The following LAMA2 variants were observed in gnomAD, a reference collection of about 807,000 sequenced individuals.
LAMA2 encodes the protein laminin subunit alpha 2.
LAMA2 carries 269 observed loss-of-function variants against 364.8 expected under a neutral mutation model. The observed-to-expected ratio is 0.74, with a 90% CI of 0.67 to 0.82. The LOEUF is 0.82. Among genes scored for constraint, LAMA2 ranks in the 40% least tolerant of loss-of-function variants. The pLI, the probability that LAMA2 is intolerant of heterozygous loss-of-function variation, is 0.00. For synonymous variants in LAMA2, 1,379 were observed against 1,370.6 expected, an observed-to-expected ratio of 1.01 and a Z score of -0.14; for missense variants, 3,807 against 3,873.2, an observed-to-expected ratio of 0.98 and a Z score of 0.45.
At chr6:129,131,766 C>G (rs1777487339) in intron 4 of LAMA2, among the ~76,000 whole-genome samples, 1 of 152,136 alleles carries the variant, frequency 6.6e-6, no homozygotes, top group African/African-American at 2.4e-5. Context: ...TGTTGTTGTC[C>G]TATAAGCCAT....
chr6:129,215,405 A>G (rs1053293159), intron 12 of LAMA2, among the ~76,000 whole-genome samples: 6 of 152,094 alleles, frequency 3.9e-5, no homozygotes, highest in Non-Finnish European at 8.8e-5. Flanking sequence ...CCACTCCCCC[A>G]TATCTAAGGA....
At chr6:129,134,552 A>G (rs1411522183) in intron 4 of LAMA2, among the ~76,000 whole-genome samples, 1 of 152,122 alleles carries the variant, frequency 6.6e-6, no homozygotes, top group Non-Finnish European at 1.5e-5. Flanking sequence ...TGGAATTGAC[A>G]GGGGGGATGG....
chr6:129,158,797 A>C (rs1779283117), intron 8 of LAMA2: 8 of 1,614,206 alleles, frequency 5.0e-6, no homozygotes, highest in Non-Finnish European at 6.8e-6. Flanking sequence ...CTTTGCACTG[A>C]AAATCAGATC....
At position 129,328,230 on chromosome 6, in the gene LAMA2, T is replaced by C. The variant is rs373609820; in HGVS notation, c.4177-48T>C. The C allele has an allele frequency of 6.6e-6, 10 of 1,508,704 alleles. No homozygotes were observed. In the African/African-American group the frequency reaches 1.2e-4, roughly 19 times the overall value. The allele number at this position is 1,508,704 out of a possible 1,614,324, so 93.5% of individuals were successfully genotyped here. The stretch of plus-strand genomic sequence containing the variant: ...CACTGAAGAGCTCAAGCGTTGCTAA[T>C]GCAGTATTTCTAACTTTGCTGTCCT... On this transcript the variant is annotated intron_variant, in intron 28 of 64. Transcript: ENST00000421865.
chr6:129,342,500 T>C, intron 30 of LAMA2, 33 bp downstream of exon 30: 2 of 1,607,288 alleles, frequency 1.2e-6, no homozygotes, highest in Non-Finnish European at 1.7e-6. Flanking sequence ...TATTTCCCAA[T>C]CAGAAACGCC....
At chr6:129,439,846 A>ATC (rs1554297417) in intron 42 of LAMA2, among the ~76,000 whole-genome samples, 124 of 138,218 alleles carry the variant, frequency 9.0e-4, no homozygotes, top group Middle Eastern at 3.6e-3. Flanking sequence ...ATATATATAT[A>ATC]TATCTATCTC....
chr6:129,355,680 G>C (rs752803709), intron 32 of LAMA2, among the ~76,000 whole-genome samples: 3 of 152,106 alleles, frequency 2.0e-5, no homozygotes, highest in Non-Finnish European at 4.4e-5. Flanking sequence ...AGTGCTTGTT[G>C]TTAGTATAGT....
At chr6:129,182,094 A>C (rs1281896175) in intron 10 of LAMA2, among the ~76,000 whole-genome samples, 2 of 151,902 alleles carry the variant, frequency 1.3e-5, no homozygotes, top group Non-Finnish European at 2.9e-5. Flanking sequence ...TGTCAGTGAC[A>C]AGCAAATAAA....
At chr6:129,283,310 G>A (rs1281626516) in intron 18 of LAMA2, among the ~76,000 whole-genome samples, 1 of 152,128 alleles carries the variant, frequency 6.6e-6, no homozygotes, top group East Asian at 1.9e-4. Context: ...TAAAAAGACT[G>A]TTGAGCTAAA....
intron 12 of LAMA2, among the ~76,000 whole-genome samples, chr6:129,201,587 C>T (rs1265620454): frequency 6.6e-6 from 1 of 152,090 alleles, no homozygotes; most frequent in Non-Finnish European, 1.5e-5. Context: ...CTAGGTTCAC[C>T]CCAACAAATC....
chr6:129,514,329 C>G (rs1786850889), intron 63 of LAMA2, 44 bp from the exon 64 acceptor site: 1 of 1,358,722 alleles, frequency 7.4e-7, no homozygotes, highest in Non-Finnish European at 1.1e-6. Context: ...CATGATACTT[C>G]TTTAATGAAA....
chr6:129,487,248 C>T (rs144394186), intron 56 of LAMA2, among the ~76,000 whole-genome samples: 2 of 152,202 alleles, frequency 1.3e-5, no homozygotes, highest in East Asian at 3.9e-4. Flanking sequence ...CTTGCCCCAG[C>T]CCTGGGCCAG....
At chr6:129,166,332 G>T (rs923185252) in intron 9 of LAMA2, among the ~76,000 whole-genome samples, 12 of 152,164 alleles carry the variant, frequency 7.9e-5, no homozygotes, top group African/African-American at 2.7e-4. Flanking sequence ...CCAAGTTTAA[G>T]TAGGAAATTC....
chr6:129,294,909 C>T lies in LAMA2; in HGVS notation c.2857-2776C>T, dbSNP rs182065642. 4.8e-4 allele frequency among the ~76,000 whole-genome samples: 73 copies of T among 152,200 alleles called. 1 individual carries two copies. The South Asian group carries it at 5.0e-3, about 10-fold the overall frequency. ...ATTTTTTTTCAAAAACAAATGCATACATTTACAATAAAAGAAAAAGATAAT... is the reference window on the plus strand; with the variant it reads ...ATTTTTTTTCAAAAACAAATGCATATATTTACAATAAAAGAAAAAGATAAT... On this transcript the variant is annotated intron_variant, in intron 20 of 64. Coordinates refer to ENST00000421865, the MANE Select transcript of LAMA2 (RefSeq NM_000426.4).
chr6:128,901,193 A>G (rs1039057652), intron 1 of LAMA2, among the ~76,000 whole-genome samples: 3 of 152,220 alleles, frequency 2.0e-5, no homozygotes, highest in Admixed American at 1.3e-4. Flanking sequence ...TATTTGATCC[A>G]AAACAAAAAC....
intron 1 of LAMA2, among the ~76,000 whole-genome samples, chr6:128,952,414 T>C (rs1435485575): frequency 6.6e-6 from 1 of 152,100 alleles, no homozygotes; most frequent in Non-Finnish European, 1.5e-5. Flanking sequence ...CTACCATAAA[T>C]AAGAAACTGC....
At chr6:129,409,993 C>A (rs1376784469) in intron 40 of LAMA2, among the ~76,000 whole-genome samples, 10 of 152,166 alleles carry the variant, frequency 6.6e-5, no homozygotes, top group African/African-American at 2.4e-4. Context: ...GAATGACCAC[C>A]AGAGGCAATA....
At chr6:128,981,627 G>A (rs1782887969) in intron 1 of LAMA2, among the ~76,000 whole-genome samples, 1 of 150,740 alleles carries the variant, frequency 6.6e-6, no homozygotes, top group Non-Finnish European at 1.5e-5. Flanking sequence ...GGTTGAGCCT[G>A]TCGTCCCAGC....
chr6:129,018,601 G>A (rs562723120), intron 1 of LAMA2, among the ~76,000 whole-genome samples: 103 of 149,904 alleles, frequency 6.9e-4, no homozygotes, highest in African/African-American at 2.4e-3. Flanking sequence ...CCTCTTAGTT[G>A]TCTAATAATA....
Sources: gnomAD v4.1 joint callset for allele counts (sites outside exome capture counted in the v4.1 genomes callset) on GRCh38, gnomAD v4.1.1 for gene constraint, MANE v1.5 for transcripts, NCBI Gene and HGNC (gene_info 2026-07-23, HGNC 2026-07-21) for gene names.